FAM124B: variants seen among roughly 807,000 people sequenced by gnomAD.
FAM124B encodes protein FAM124B.
FAM124B carries 18 observed loss-of-function variants against 19.7 expected under a neutral mutation model. The observed-to-expected ratio is 0.92, with a 90% CI of 0.63 to 1.36. The LOEUF (loss-of-function observed/expected upper bound fraction) is 1.36, where lower values mean the gene tolerates loss of function less well. FAM124B is among the 40% of genes most tolerant of loss of function. FAM124B has a pLI of 0.00. For missense variants in FAM124B, 540 were observed against 553.3 expected (o/e 0.98, Z 0.24); for synonymous variants, 223 against 225.2 (o/e 0.99, Z 0.09).
intron 1 of FAM124B, among the ~76,000 whole-genome samples, chr2:224,397,872 C>T (rs941406037): frequency 6.6e-6 from 1 of 152,158 alleles, no homozygotes; most frequent in Non-Finnish European, 1.5e-5. Context: ...CATGAGTGAA[C>T]AGTGAATTAA....
Position 224,379,820 on chromosome 2 carries a change from G to T in FAM124B, c.1121C>A (p.Pro374His), listed in dbSNP as rs1484552501. The change falls in exon 2 of 2, where the codon CCC (proline) becomes CAC (histidine). Residue 374 changes from proline (P) to histidine (H), a missense_variant. Transcript: ENST00000409685. Reference sequence around the variant, plus strand: ...AAATCCGCCAAAATAAGTCTGCCTGGGTTCAGAATTTATGATGGTCAAGCC... The same window carrying T: ...AAATCCGCCAAAATAAGTCTGCCTGTGTTCAGAATTTATGATGGTCAAGCC... ...DTGLTIINSE[P>H]RQTYFGGFPR... 6.4e-7 allele frequency: 1 copy of T among 1,551,838 alleles called. No individual in the cohort carries two copies. The highest frequency in any genetic ancestry group is 2.4e-5 in the East Asian group (1 of 40,920).
At chr2:224,380,287 C>T (rs1328609428) in intron 1 of FAM124B, 79 bp from the exon 2 acceptor site, 1 of 1,296,750 alleles carries the variant, frequency 7.7e-7, no homozygotes, top group African/African-American at 1.5e-5. Flanking sequence ...GCCTTATTCA[C>T]CCTCTGCCAT....
At chr2:224,381,118 T>C (rs1178356932) in intron 1 of FAM124B, among the ~76,000 whole-genome samples, 1 of 152,156 alleles carries the variant, frequency 6.6e-6, no homozygotes, top group Non-Finnish European at 1.5e-5. Flanking sequence ...GCCCAGCCCT[T>C]AATCAAATAT....
Position 224,401,451 on chromosome 2 carries a change from C to G in FAM124B, c.318G>C (p.Leu106=). 1 of 1,614,100 alleles carries G rather than the reference C, an allele frequency of 6.2e-7. No homozygotes were observed. Among genetic ancestry groups the G allele is most frequent in the Non-Finnish European group, 8.5e-7 (1 of 1,180,002 alleles). Residue 106 remains leucine, a synonymous_variant, in exon 1 of 2, where the codon CTG becomes CTC. Transcript: ENST00000409685. ...CYPTQDTRGR[L]CPYFFANQEF... ...CCTGATTGGCAAAAAAGTAGGGACA[C>G]AGCCTTCCCCGAGTGTCCTGGGTGG...
intron 1 of FAM124B, chr2:224,400,573 A>C (rs1327002437): frequency 6.0e-6 from 4 of 670,030 alleles, no homozygotes; most frequent in Non-Finnish European, 1.1e-5. Context: ...CAACTTCCTT[A>C]AGTCAGATTA....
At chr2:224,395,204 G>A (rs1312975104) in intron 1 of FAM124B, among the ~76,000 whole-genome samples, 1 of 152,066 alleles carries the variant, frequency 6.6e-6, no homozygotes, top group Non-Finnish European at 1.5e-5. Flanking sequence ...AGGAGGGCAG[G>A]AGATGAATGC....
At position 224,401,723 on chromosome 2, in the gene FAM124B, CAAG is replaced by C. The variant is rs1310813403; in HGVS notation, c.43_45del (p.Leu15del). The stretch of plus-strand genomic sequence containing the variant: ...AGAAGGGAGCCGTGCCCAGAGTTGG[CAAG>C]AAGATGGACAGTCATGGCCAGAGGC... On this transcript the variant is annotated inframe_deletion, in exon 1 of 2. Coordinates refer to ENST00000409685, the MANE Select transcript of FAM124B (RefSeq NM_001122779.2). The C allele has an allele frequency of 6.2e-7, 1 of 1,614,108 alleles. No homozygotes were observed. The highest frequency in any genetic ancestry group is 1.3e-5 in the African/African-American group (1 of 75,064).
intron 1 of FAM124B, 77 bp downstream of exon 1, chr2:224,400,960 A>C (rs1690058597): frequency 1.3e-6 from 2 of 1,500,230 alleles, no homozygotes; most frequent in Admixed American, 2.2e-5. Flanking sequence ...TCTGAGAACC[A>C]CTAGCTTAGG....
rs1282210352 is a variant in FAM124B, at chr2:224,379,793, G to A, written c.1148C>T (p.Pro383Leu). 6.4e-7 allele frequency: 1 copy of A among 1,551,566 alleles called. No individual in the cohort carries two copies. Among genetic ancestry groups the A allele is most frequent in the Non-Finnish European group, 8.7e-7 (1 of 1,147,006 alleles). The change falls in exon 2 of 2, where the codon CCA (proline) becomes CTA (leucine). Residue 383 changes from proline (P) to leucine (L), a missense_variant. Pro to Leu is a moderately conservative substitution (Grantham distance 98, BLOSUM62 -3). Coordinates refer to ENST00000409685, the MANE Select transcript of FAM124B (RefSeq NM_001122779.2). ...EPRQTYFGGF[P>L]RDLQTSQPPF... ...TGGCTGGCTGGTCTGTAAATCCCTT[G>A]GAAATCCGCCAAAATAAGTCTGCCT...
At chr2:224,394,654 C>T (rs1689941169) in intron 1 of FAM124B, among the ~76,000 whole-genome samples, 1 of 152,106 alleles carries the variant, frequency 6.6e-6, no homozygotes, top group Non-Finnish European at 1.5e-5. Context: ...AAATGGATTT[C>T]TTCAAATCCC....
Position 224,379,614 on chromosome 2 carries a change from C to G in FAM124B, c.1327G>C (p.Gly443Arg). The G allele has an allele frequency of 1.3e-6, 2 of 1,549,432 alleles. No homozygotes were observed. The highest frequency in any genetic ancestry group is 2.4e-5 in the East Asian group (1 of 40,880). ...TCTTCATCTTCTTCTTTTTCTTCAC[C>G]CTGAACTTGCAGATGAAGGAGACAT... ...SECLLHLQVQ[G>R]EEKEEDEEEF... The change falls in exon 2 of 2, where the codon GGT becomes CGT. Residue 443 changes from glycine to arginine, a missense_variant. Transcript: ENST00000409685.
chr2:224,395,077 C>T (rs1689949147), intron 1 of FAM124B, among the ~76,000 whole-genome samples: 1 of 152,128 alleles, frequency 6.6e-6, no homozygotes, highest in Non-Finnish European at 1.5e-5. Context: ...AGTTTGCCTA[C>T]TGTACATCAA....
chr2:224,390,857 C>G (rs552027167), intron 1 of FAM124B, among the ~76,000 whole-genome samples: 301 of 150,648 alleles, frequency 2.0e-3, no homozygotes, highest in African/African-American at 7.0e-3. Context: ...CCCACCACCA[C>G]GCCCGGCTAA....
Position 224,380,101 on chromosome 2 carries a change from G to A in FAM124B, c.840C>T (p.Pro280=). The change falls in exon 2 of 2, where the codon CCC becomes CCT. Residue 280 remains proline (P), a synonymous_variant. Coordinates refer to ENST00000409685, the MANE Select transcript of FAM124B (RefSeq NM_001122779.2). ...TCTTGCCCTGGTTCCTCTGGCTCCT[G>A]GGTTCTGAGGTCCTCTTTGCAGAGA... ...TSVSAKRTSE[P]RSQRNQGKRS... The A allele has an allele frequency of 6.4e-7, 1 of 1,551,698 alleles. No homozygotes were observed. The highest frequency in any genetic ancestry group is 1.4e-5 in the African/African-American group (1 of 73,166).
intron 1 of FAM124B, among the ~76,000 whole-genome samples, chr2:224,390,515 A>C (rs1689863267): frequency 6.6e-6 from 1 of 152,046 alleles, no homozygotes; most frequent in South Asian, 2.1e-4. Context: ...CTGGTAACAG[A>C]AAAGAGACTG....
intron 1 of FAM124B, among the ~76,000 whole-genome samples, chr2:224,380,989 G>A (rs1351028719): frequency 6.6e-6 from 1 of 152,058 alleles, no homozygotes; most frequent in African/African-American, 2.4e-5. Flanking sequence ...CCACCCTTGG[G>A]AGCCTTGCAT....
At position 224,379,612 on chromosome 2, in the gene FAM124B, AC is replaced by A; in HGVS notation, c.1328del (p.Gly443ValfsTer17). ...CTTCTTCATCTTCTTCTTTTTCTTCACCCTGAACTTGCAGATGAAGGAGACA... is the reference window on the plus strand; with the variant it reads ...CTTCTTCATCTTCTTCTTTTTCTTCACCTGAACTTGCAGATGAAGGAGACA... The part of the protein sequence containing the change: ...SECLLHLQVQ[G>X]EEKEEDEEEF... On this transcript the variant is annotated frameshift_variant, in exon 2 of 2. Coordinates refer to ENST00000409685, the MANE Select transcript of FAM124B (RefSeq NM_001122779.2). LOFTEE classifies it high-confidence loss of function. 2 of 1,547,780 alleles carry A rather than the reference AC, an allele frequency of 1.3e-6. No homozygotes were observed. Among genetic ancestry groups the A allele is most frequent in the East Asian group, 4.9e-5 (2 of 40,854 alleles).
chr2:224,382,936 G>A (rs1421219540), intron 1 of FAM124B, among the ~76,000 whole-genome samples: 2 of 152,056 alleles, frequency 1.3e-5, no homozygotes, highest in Non-Finnish European at 2.9e-5. Flanking sequence ...AACCCCTATC[G>A]CAGATGTGCT....
intron 1 of FAM124B, chr2:224,400,191 T>C: frequency 3.0e-6 from 1 of 329,494 alleles, no homozygotes; most frequent in South Asian, 1.4e-4. Context: ...CAAACCAATA[T>C]GGCACATGTA....
Sources: gnomAD v4.1 joint callset for allele counts (sites outside exome capture counted in the v4.1 genomes callset) on GRCh38, gnomAD v4.1.1 for gene constraint, MANE v1.5 for transcripts, NCBI Gene and HGNC (gene_info 2026-07-23, HGNC 2026-07-21) for gene names.